Variants in CNTN4 observed in about 807,000 individuals in gnomAD.
CNTN4 encodes the protein contactin-4.
A neutral mutation model predicts 122.5 loss-of-function variants in CNTN4; 77 were observed. The observed-to-expected ratio is 0.63, with a 90% confidence interval of 0.52 to 0.76. The LOEUF is 0.76. Ranked by LOEUF, CNTN4 falls within the 30% of genes least tolerant of loss-of-function variation. The pLI, the probability that CNTN4 is intolerant of heterozygous loss-of-function variation, is 0.00. For synonymous variants in CNTN4, 512 were observed against 447.0 expected (o/e 1.15, Z -1.83); for missense variants, 1,256 against 1,259.1 (o/e 1.00, Z 0.04).
intron 4 of CNTN4, among the ~76,000 whole-genome samples, chr3:2,626,809 A>AAG (rs1367457414): frequency 1.3e-5 from 2 of 152,212 alleles, no homozygotes; most frequent in Non-Finnish European, 2.9e-5. Context: ...CAACTGTACT[A>AAG]GATGCTAGAG....
chr3:2,215,382 C>T (rs1000419771), intron 2 of CNTN4, among the ~76,000 whole-genome samples: 5 of 152,136 alleles, frequency 3.3e-5, no homozygotes, highest in African/African-American at 9.7e-5. Context: ...TGTTCTTGTA[C>T]TACTGGGCAT....
intron 4 of CNTN4, among the ~76,000 whole-genome samples, chr3:2,640,543 A>T (rs1416398371): frequency 6.6e-6 from 1 of 152,188 alleles, no homozygotes; most frequent in African/African-American, 2.4e-5. Context: ...TAAGAAAAGG[A>T]TGATTGGGTA....
At chr3:3,029,742 C>A (rs73805605) in intron 15 of CNTN4, among the ~76,000 whole-genome samples, 1 of 152,122 alleles carries the variant, frequency 6.6e-6, no homozygotes, top group Non-Finnish European at 1.5e-5. Flanking sequence ...AGACTCCTAA[C>A]CTCTTTGTGC....
chr3:2,650,384 A>T (rs907332964), intron 4 of CNTN4, among the ~76,000 whole-genome samples: 6 of 152,158 alleles, frequency 3.9e-5, no homozygotes, highest in Non-Finnish European at 8.8e-5. Flanking sequence ...TTGAGATGGA[A>T]TCTATTCTTG....
chr3:2,720,875 AACTC>A (rs2087808510), intron 4 of CNTN4, among the ~76,000 whole-genome samples: 1 of 152,216 alleles, frequency 6.6e-6, no homozygotes, highest in African/African-American at 2.4e-5. Flanking sequence ...AAGTCTAAGT[AACTC>A]ACTCAATGTT....
At chr3:2,131,732 A>G (rs369849092) in intron 2 of CNTN4, among the ~76,000 whole-genome samples, 97 of 152,298 alleles carry the variant, frequency 6.4e-4, no homozygotes, top group African/African-American at 2.2e-3. Context: ...TTTAAGTATA[A>G]TCCATTTTAA....
intron 2 of CNTN4, among the ~76,000 whole-genome samples, chr3:2,109,850 G>A (rs1427052553): frequency 6.6e-6 from 1 of 152,158 alleles, no homozygotes; most frequent in African/African-American, 2.4e-5. Context: ...AATTAATTGG[G>A]AGTCCAAGCA....
chr3:2,757,749 G>A (rs2090402278), intron 6 of CNTN4, among the ~76,000 whole-genome samples: 1 of 152,166 alleles, frequency 6.6e-6, no homozygotes, highest in East Asian at 1.9e-4. Flanking sequence ...GTATGCGTTA[G>A]GGTTCAGAGG....
rs573587375 is a variant in CNTN4 at position 3,051,525 on chromosome 3, G to C, written c.2812-2282G>C. Reference sequence around the variant, plus strand: ...TCAAAGCAGCAATTTATTCCTCAAAGCCAGATGTGACCTTGCATCCCATCA... The same window carrying C: ...TCAAAGCAGCAATTTATTCCTCAAACCCAGATGTGACCTTGCATCCCATCA... On this transcript the variant is annotated intron_variant, in intron 23 of 24. Coordinates refer to ENST00000418658, the MANE Select transcript of CNTN4 (RefSeq NM_175607.3). Among the ~76,000 whole-genome samples, 422 of 152,276 alleles carry C rather than the reference G, an allele frequency of 2.8e-3. 1 individual carries two copies. Among genetic ancestry groups the C allele is most frequent in the Non-Finnish European group, 4.0e-3 (271 of 68,034 alleles).
intron 3 of CNTN4, among the ~76,000 whole-genome samples, chr3:2,438,678 CA>C (rs2048334358): frequency 6.6e-6 from 1 of 152,168 alleles, no homozygotes; most frequent in Non-Finnish European, 1.5e-5. Context: ...TGACTCAGTA[CA>C]GTTAATGATA....
intron 13 of CNTN4, among the ~76,000 whole-genome samples, chr3:2,946,704 C>CTTTTT (rs55883455): frequency 2.5e-5 from 3 of 119,384 alleles, no homozygotes; most frequent in African/African-American, 3.2e-5. Flanking sequence ...TTTTTTTTTT[C>CTTTTT]TTTTTTTTTT....
intron 2 of CNTN4, among the ~76,000 whole-genome samples, chr3:2,224,773 C>T (rs2039203389): frequency 6.6e-6 from 1 of 152,132 alleles, no homozygotes. Flanking sequence ...TATCAGTTGG[C>T]TCTGGGATTC....
intron 2 of CNTN4, among the ~76,000 whole-genome samples, chr3:2,175,603 A>C (rs2036715614): frequency 6.6e-6 from 1 of 152,202 alleles, no homozygotes; most frequent in African/African-American, 2.4e-5. Flanking sequence ...CTTCAATGCC[A>C]TACAGAGGAT....
chr3:2,575,004 T>C (rs535631365), intron 4 of CNTN4, among the ~76,000 whole-genome samples: 2 of 152,260 alleles, frequency 1.3e-5, no homozygotes, highest in South Asian at 4.1e-4. Flanking sequence ...TGTGACACTT[T>C]ATTTCAAATG....
chr3:2,462,254 A>G lies in CNTN4; in HGVS notation c.-88-109162A>G, dbSNP rs1283994881. 2.0e-5 allele frequency among the ~76,000 whole-genome samples: 3 copies of G among 152,192 alleles called. No individual in the cohort carries two copies. The East Asian group carries it at 5.8e-4, about 29-fold the overall frequency. ...CCATGCTTAGTTTAGTGTGTCTTTT[A>G]TCATGACTGCAATTCTGGGCTGGAA... On this transcript the variant is annotated intron_variant, in intron 3 of 24. Transcript: ENST00000418658.
chr3:2,195,227 T>C (rs1200003498), intron 2 of CNTN4, among the ~76,000 whole-genome samples: 1 of 152,252 alleles, frequency 6.6e-6, no homozygotes, highest in African/African-American at 2.4e-5. Flanking sequence ...TCCAGATTTA[T>C]CCATGTTGTC....
intron 3 of CNTN4, among the ~76,000 whole-genome samples, chr3:2,513,189 G>A (rs552669239): frequency 3.3e-5 from 5 of 152,280 alleles, no homozygotes; most frequent in African/African-American, 1.2e-4. Context: ...TGAAGTAACG[G>A]CAAGTGGTTT....
At chr3:2,819,103 A>G (rs916149218) in intron 6 of CNTN4, among the ~76,000 whole-genome samples, 2 of 152,216 alleles carry the variant, frequency 1.3e-5, no homozygotes, top group African/African-American at 4.8e-5. Context: ...CTAGACCTGC[A>G]CTATCCAATG....
intron 7 of CNTN4, among the ~76,000 whole-genome samples, chr3:2,836,914 A>C (rs563871017): frequency 6.6e-6 from 1 of 152,264 alleles, no homozygotes; most frequent in South Asian, 2.1e-4. Flanking sequence ...TTAAAGTATA[A>C]TAATAAAAAA....
Sources: allele counts gnomAD v4.1 joint callset (sites outside exome capture counted in the v4.1 genomes callset), GRCh38; gene constraint gnomAD v4.1.1; transcripts MANE v1.5; gene names NCBI Gene and HGNC (gene_info 2026-07-23, HGNC 2026-07-21).